Variants in GREB1 observed in about 807,000 individuals in gnomAD.
The protein encoded by GREB1 is protein GREB1.
Under a neutral mutation model 200.7 loss-of-function variants are expected in GREB1, and 106 were observed. The observed-to-expected ratio is 0.53, with a 90% CI of 0.45 to 0.62. The LOEUF is 0.62. Among genes scored for constraint, GREB1 ranks in the 20% least tolerant of loss-of-function variants. GREB1 has a pLI of 0.00. For missense variants in GREB1, 2,243 were observed against 2,556.8 expected (o/e 0.88, Z 2.65); for synonymous variants, 1,132 against 1,092.4 (o/e 1.04, Z -0.72).
intron 1 of GREB1, among the ~76,000 whole-genome samples, chr2:11,551,493 G>A (rs1322386876): frequency 3.3e-5 from 5 of 152,216 alleles, no homozygotes; most frequent in African/African-American, 1.2e-4. Flanking sequence ...GGTCCAGGGA[G>A]TGTCTGTCGC....
intron 23 of GREB1, among the ~76,000 whole-genome samples, chr2:11,622,121 C>A (rs1684061834): frequency 6.6e-6 from 1 of 152,166 alleles, no homozygotes; most frequent in Non-Finnish European, 1.5e-5. Context: ...AGCTATGTTG[C>A]CCGGGCTGGA....
intron 23 of GREB1, among the ~76,000 whole-genome samples, chr2:11,621,696 G>A (rs763530332): frequency 3.9e-5 from 6 of 152,232 alleles, no homozygotes; most frequent in Non-Finnish European, 8.8e-5. Context: ...TCTGTGTTGT[G>A]GAGAGGTTGC....
chr2:11,517,836 G>C (rs1047294410), intron 1 of GREB1, among the ~76,000 whole-genome samples: 4 of 152,054 alleles, frequency 2.6e-5, no homozygotes, highest in Non-Finnish European at 4.4e-5. Flanking sequence ...TGTATTTTTA[G>C]TAGAGACGGG....
At chr2:11,625,402 A>G (rs1201896244) in intron 24 of GREB1, 90 bp downstream of exon 24, 3 of 1,304,444 alleles carry the variant, frequency 2.3e-6, no homozygotes, top group African/African-American at 1.4e-5. Flanking sequence ...GCATGAAATC[A>G]GGTGGTGATG....
At chr2:11,505,472 CT>C (rs2148436924) in intron 1 of GREB1, among the ~76,000 whole-genome samples, 1 of 152,298 alleles carries the variant, frequency 6.6e-6, no homozygotes, top group South Asian at 2.1e-4. Flanking sequence ...CTCTTCTATA[CT>C]TCCCTGAGAG....
chr2:11,510,103 C>T (rs975475007), intron 1 of GREB1, among the ~76,000 whole-genome samples: 2 of 152,046 alleles, frequency 1.3e-5, no homozygotes, highest in South Asian at 4.2e-4. Context: ...GTCGCTGTTC[C>T]CTTGGAATTC....
chr2:11,610,049 G>A (rs1682778762), intron 17 of GREB1, among the ~76,000 whole-genome samples: 1 of 152,224 alleles, frequency 6.6e-6, no homozygotes, highest in African/African-American at 2.4e-5. Flanking sequence ...GCCACTCTAG[G>A]AGAGCAGGTG....
chr2:11,487,450 C>T (rs1672681406), intron 1 of GREB1, among the ~76,000 whole-genome samples: 1 of 152,186 alleles, frequency 6.6e-6, no homozygotes, highest in South Asian at 2.1e-4. Context: ...ATATTTATGT[C>T]TTAATTTTGT....
At chr2:11,638,911 G>A in intron 32 of GREB1, 102 bp downstream of exon 32, 2 of 1,198,162 alleles carry the variant, frequency 1.7e-6, no homozygotes, top group Non-Finnish European at 2.3e-6. Context: ...TTGCCCATGG[G>A]TAAACTGAGG....
At chr2:11,566,367 C>T (rs114527943) in intron 3 of GREB1, 113 bp from the exon 4 acceptor site, 14,197 of 1,019,046 alleles carry the variant, frequency 0.014, 119 homozygotes, top group Non-Finnish European at 0.017. Context: ...GTCAAGCACA[C>T]CCAGGGGTAA....
chr2:11,638,690 G>C lies in GREB1; in HGVS notation c.5567G>C (p.Ser1856Thr). Reference sequence around the variant, plus strand: ...TTTCAGATTTCTGTTTGCTATGTGAGCTCCAGGCCCCACTCTTTAAACATC... The same window carrying C: ...TTTCAGATTTCTGTTTGCTATGTGACCTCCAGGCCCCACTCTTTAAACATC... ...LGSQISVCYV[S>T]SRPHSLNISC... The change falls in exon 32 of 33, where the codon AGC (serine) becomes ACC (threonine). Residue 1856 changes from serine to threonine, a missense_variant. Physicochemically the swap from Ser to Thr is moderately conservative, Grantham distance 58. This residue lies in a region of GREB1 where 478 missense variants were observed against 616.3 expected (regional missense o/e 0.78). Coordinates refer to ENST00000381486, the MANE Select transcript of GREB1 (RefSeq NM_014668.4). The C allele has an allele frequency of 6.2e-7, 1 of 1,613,596 alleles. No individual in the cohort carries two copies. The highest frequency in any genetic ancestry group is 2.2e-5 in the East Asian group (1 of 44,876).
chr2:11,530,946 G>A (rs971471511), upstream of GREB1, among the ~76,000 whole-genome samples: 2 of 152,134 alleles, frequency 1.3e-5, no homozygotes, highest in African/African-American at 4.8e-5. Context: ...AGCAGACACC[G>A]GCTCTCTCTG....
Position 11,556,648 on chromosome 2 carries a change from A to G in GREB1, c.34A>G (p.Thr12Ala). The change falls in exon 2 of 33, where the codon ACA (threonine) becomes GCA (alanine). Residue 12 changes from threonine (T) to alanine (A), a missense_variant. Around this residue, in one of 3 missense-constraint regions of GREB1, gnomAD observed 1,178 missense variants for 1,387.4 expected, o/e 0.85. Transcript: ENST00000381486. Reference sequence around the variant, plus strand: ...TTCTTACGCTGGACAGCTGAAGACGACACGCTTTGAAGAGGTCTTGCACAA... The same window carrying G: ...TTCTTACGCTGGACAGCTGAAGACGGCACGCTTTGAAGAGGTCTTGCACAA... ...GNSYAGQLKT[T>A]RFEEVLHNSI... is the part of the protein sequence containing the mutation. 2 of 1,613,594 alleles carry G rather than the reference A, an allele frequency of 1.2e-6. No homozygotes were observed. The highest frequency in any genetic ancestry group is 2.2e-5 in the East Asian group (1 of 44,852).
At chr2:11,599,767 G>A (rs887608904) in intron 15 of GREB1, among the ~76,000 whole-genome samples, 4 of 152,018 alleles carry the variant, frequency 2.6e-5, no homozygotes, top group African/African-American at 4.8e-5. Flanking sequence ...TGATCCGCCC[G>A]CCTCGGCCTC....
intron 23 of GREB1, among the ~76,000 whole-genome samples, chr2:11,624,268 G>A (rs772453999): frequency 7.2e-5 from 11 of 151,788 alleles, no homozygotes; most frequent in South Asian, 2.1e-4. Flanking sequence ...GTGGGTGCCC[G>A]GTACAGTGCA....
At chr2:11,566,133 C>T (rs1239300423) in intron 3 of GREB1, among the ~76,000 whole-genome samples, 1 of 152,012 alleles carries the variant, frequency 6.6e-6, no homozygotes, top group African/African-American at 2.4e-5. Flanking sequence ...ATTCTCCTGC[C>T]CCAGCCTGAC....
chr2:11,521,703 A>G (rs1673710412), intron 1 of GREB1, among the ~76,000 whole-genome samples: 1 of 152,224 alleles, frequency 6.6e-6, no homozygotes, highest in African/African-American at 2.4e-5. Context: ...ATTCCGATTC[A>G]AAATAAATTT....
At chr2:11,528,568 T>C (rs772807047) in intron 1 of GREB1, among the ~76,000 whole-genome samples, 33 of 152,106 alleles carry the variant, frequency 2.2e-4, no homozygotes, top group Non-Finnish European at 4.6e-4. Context: ...CAATCACAAT[T>C]ATAGTTCTCT....
intron 23 of GREB1, among the ~76,000 whole-genome samples, chr2:11,624,031 C>T (rs890834529): frequency 1.3e-5 from 2 of 152,108 alleles, no homozygotes; most frequent in African/African-American, 2.4e-5. Context: ...AGTGTTATTA[C>T]AAAAGAGTCA....
Sources: gnomAD v4.1 joint callset for allele counts (sites outside exome capture counted in the v4.1 genomes callset) on GRCh38, gnomAD v4.1.1 for gene constraint, gnomAD v4.1.1 regional missense constraint, MANE v1.5 for transcripts, NCBI Gene and HGNC (gene_info 2026-07-23, HGNC 2026-07-21) for gene names.